HELZ: variants seen among roughly 807,000 people sequenced by gnomAD.
HELZ encodes ATP-dependent RNA helicase with zinc finger domain.
HELZ carries 23 observed loss-of-function variants against 218.2 expected under a neutral mutation model. The observed-to-expected ratio is 0.11, with a 90% CI of 0.08 to 0.15. HELZ has a LOEUF of 0.15. Among genes scored for constraint, HELZ ranks in the 10% least tolerant of loss-of-function variants. The pLI is 1.00. For missense variants in HELZ, 1,813 were observed against 2,353.7 expected, an observed-to-expected ratio of 0.77 and a Z score of 4.75; for synonymous variants, 814 against 829.4, an observed-to-expected ratio of 0.98 and a Z score of 0.32.
At chr17:67,171,393 C>T (rs1389803386) in intron 13 of HELZ, among the ~76,000 whole-genome samples, 1 of 152,190 alleles carries the variant, frequency 6.6e-6, no homozygotes, top group Non-Finnish European at 1.5e-5. Flanking sequence ...GAAAATGGCA[C>T]TGTCATCCAC....
intron 27 of HELZ, among the ~76,000 whole-genome samples, chr17:67,118,960 T>G (rs1045330230): frequency 6.6e-6 from 1 of 152,100 alleles, no homozygotes; most frequent in Admixed American, 6.5e-5. Flanking sequence ...CAATGAGATA[T>G]GATTAGACAT....
intron 17 of HELZ, among the ~76,000 whole-genome samples, chr17:67,151,705 TTATACC>T (rs1484799917): frequency 1.3e-5 from 2 of 152,238 alleles, no homozygotes; most frequent in African/African-American, 4.8e-5. Flanking sequence ...GAATATATTC[TTATACC>T]TATACTTAAG....
chr17:67,106,603 G>A (rs1020739593), intron 31 of HELZ, among the ~76,000 whole-genome samples: 5 of 152,240 alleles, frequency 3.3e-5, no homozygotes, highest in East Asian at 3.9e-4. Flanking sequence ...CACTGCACCC[G>A]GCAGAAATAT....
intron 27 of HELZ, among the ~76,000 whole-genome samples, chr17:67,116,822 G>C (rs1399355863): frequency 6.6e-6 from 1 of 152,072 alleles, no homozygotes; most frequent in African/African-American, 2.4e-5. Flanking sequence ...CAATAGACCT[G>C]AACAACTCTA....
At chr17:67,124,121 A>C (rs375008984) in intron 24 of HELZ, 107 bp from the exon 25 acceptor site, 1 of 722,480 alleles carries the variant, frequency 1.4e-6, no homozygotes, top group Non-Finnish European at 2.3e-6. Context: ...CAATAATTAA[A>C]ATCTAAAAAC....
intron 26 of HELZ, among the ~76,000 whole-genome samples, chr17:67,122,109 G>C (rs2037627215): frequency 6.6e-6 from 1 of 152,142 alleles, no homozygotes; most frequent in Non-Finnish European, 1.5e-5. Context: ...TATTTTAAAA[G>C]ATTACAAAGG....
intron 23 of HELZ, among the ~76,000 whole-genome samples, chr17:67,132,218 C>CTCTGTGTG (rs139038773): frequency 5.9e-4 from 87 of 147,974 alleles, no homozygotes; most frequent in African/African-American, 2.1e-3. Context: ...CCTTAGGTCA[C>CTCTGTGTG]TGTGTGTGTG....
chr17:67,196,235 G>A (rs80003984), intron 7 of HELZ, among the ~76,000 whole-genome samples: 1,606 of 152,228 alleles, frequency 0.011, 30 homozygotes, highest in African/African-American at 0.036. Context: ...CACTCACTCT[G>A]AGATGAGCCC....
Position 67,148,626 on chromosome 17 carries a change from T to A in HELZ, c.2564A>T (p.Glu855Val). 6.2e-7 allele frequency: 1 copy of A among 1,613,816 alleles called. No homozygotes were observed. Among genetic ancestry groups the A allele is most frequent in the Non-Finnish European group, 8.5e-7 (1 of 1,179,790 alleles). ...ACACAGGAGAATCCTACATGGGAAC[T>A]CAGCAGGGTAATGCTCATAGAGTCG... ...LDRLYEHYPA[E>V]FPCRILLCEN... The change falls in exon 20 of 33, where the codon GAG (glutamate) becomes GTG (valine). Residue 855 changes from glutamate (E) to valine (V), a missense_variant. Glu to Val is a moderately radical substitution (Grantham distance 121). Around this residue, in one of 4 missense-constraint regions of HELZ, gnomAD observed 714 missense variants for 1,029.2 expected, o/e 0.69. Transcript: ENST00000358691.
intron 3 of HELZ, among the ~76,000 whole-genome samples, chr17:67,219,828 G>C (rs2040697912): frequency 6.6e-6 from 1 of 152,188 alleles, no homozygotes; most frequent in African/African-American, 2.4e-5. Context: ...ATTGCCATTA[G>C]TAAGAGATCA....
intron 31 of HELZ, 43 bp from the exon 32 acceptor site, chr17:67,087,124 T>C: frequency 6.3e-7 from 1 of 1,595,114 alleles, no homozygotes; most frequent in Non-Finnish European, 8.6e-7. Context: ...GTGCACCTTG[T>C]GCCATAGTCC....
rs1257142627 is a variant in HELZ, at chr17:67,148,551, G to C, written c.2621+18C>G. 6 of 1,602,082 alleles carry C rather than the reference G, an allele frequency of 3.7e-6. No homozygotes were observed. Among genetic ancestry groups the C allele is most frequent in the East Asian group, 2.2e-5 (1 of 44,654 alleles). The stretch of plus-strand genomic sequence containing the variant: ...AGACCAACGAAAGTATGACACGGAG[G>C]GGGCAGTTCACACCTACTTGATGAT... On this transcript the variant is annotated intron_variant, in intron 20 of 32. Transcript: ENST00000358691.
intron 31 of HELZ, among the ~76,000 whole-genome samples, chr17:67,092,740 T>C (rs1311025494): frequency 6.6e-6 from 1 of 152,054 alleles, no homozygotes; most frequent in African/African-American, 2.4e-5. Flanking sequence ...CCGAGGTGGG[T>C]GGATCACCTG....
At chr17:67,119,995 T>TTTTTTTTTTTTTTTTG in intron 27 of HELZ, 1 of 248,760 alleles carries the variant, frequency 4.0e-6, no homozygotes. Context: ...TCCCTTTTCT[T>TTTTTTTTTTTTTTTTG]TTTTTTTTTT....
chr17:67,229,731 T>C (rs2040985954), intron 3 of HELZ, among the ~76,000 whole-genome samples: 1 of 152,242 alleles, frequency 6.6e-6, no homozygotes, highest in Non-Finnish European at 1.5e-5. Flanking sequence ...ATCTGCATTT[T>C]TCCAAAACTG....
At chr17:67,121,499 C>T (rs915444652) in intron 26 of HELZ, among the ~76,000 whole-genome samples, 1 of 152,180 alleles carries the variant, frequency 6.6e-6, no homozygotes, top group African/African-American at 2.4e-5. Flanking sequence ...TTCTCCTTGG[C>T]TGTCATGATT....
In HELZ at chr17:67,116,663, T is replaced by C. The variant is rs150571438; in HGVS notation, c.3839-2260A>G. Among the ~76,000 whole-genome samples the C allele has an allele frequency of 1.5e-3, 231 of 152,256 alleles. 1 individual carries two copies. The highest frequency in any genetic ancestry group is 5.3e-3 in the African/African-American group (219 of 41,550). On this transcript the variant is annotated intron_variant, in intron 27 of 32. Coordinates refer to ENST00000358691, the MANE Select transcript of HELZ (RefSeq NM_014877.4). The stretch of plus-strand genomic sequence containing the variant: ...TCAAGAGTATGCAATCCTAAACATT[T>C]ATCTCCTAATAATAGAACTTCAAAA...
chr17:67,238,881 G>A (rs2041253740), intron 3 of HELZ, among the ~76,000 whole-genome samples: 1 of 152,022 alleles, frequency 6.6e-6, no homozygotes, highest in African/African-American at 2.4e-5. Context: ...AGGTATTTCA[G>A]CAAAAAGTAA....
intron 21 of HELZ, among the ~76,000 whole-genome samples, chr17:67,140,639 A>C (rs943639417): frequency 3.9e-5 from 6 of 152,212 alleles, no homozygotes; most frequent in Admixed American, 1.3e-4. Context: ...GGAGGAGCGC[A>C]AAGATGGAAA....
Sources: allele counts gnomAD v4.1 joint callset (sites outside exome capture counted in the v4.1 genomes callset), GRCh38; gene constraint gnomAD v4.1.1; regional missense constraint gnomAD v4.1.1; transcripts MANE v1.5; gene names NCBI Gene and HGNC (gene_info 2026-07-23, HGNC 2026-07-21).